COL26A1: variants seen among roughly 807,000 people sequenced by gnomAD.
The protein encoded by COL26A1 is collagen alpha-1(XXVI) chain.
COL26A1 carries 41 observed loss-of-function variants against 59.3 expected under a neutral mutation model. The observed-to-expected ratio is 0.69, with a 90% CI of 0.54 to 0.90. The LOEUF (loss-of-function observed/expected upper bound fraction) is 0.90, where lower values mean the gene tolerates loss of function less well. Among genes scored for constraint, COL26A1 ranks in the 40% least tolerant of loss-of-function variants. The pLI is 0.00. For missense variants in COL26A1, 612 were observed against 602.3 expected, an observed-to-expected ratio of 1.02 and a Z score of -0.17; for synonymous variants, 266 against 256.0, an observed-to-expected ratio of 1.04 and a Z score of -0.37.
At chr7:101,491,509 T>C (rs1203340248) in intron 3 of COL26A1, among the ~76,000 whole-genome samples, 2 of 152,134 alleles carry the variant, frequency 1.3e-5, no homozygotes, top group Non-Finnish European at 2.9e-5. Context: ...AGTACAGGAA[T>C]AAAAGAAGGG....
intron 2 of COL26A1, among the ~76,000 whole-genome samples, chr7:101,438,976 C>T (rs1010802350): frequency 2.6e-5 from 4 of 152,200 alleles, no homozygotes; most frequent in African/African-American, 9.6e-5. Flanking sequence ...CAGCGCCCAG[C>T]CCCCTTTCTT....
At chr7:101,556,930 T>TGG (rs1795989706) in intron 12 of COL26A1, among the ~76,000 whole-genome samples, 3 of 150,928 alleles carry the variant, frequency 2.0e-5, no homozygotes, top group Non-Finnish European at 3.0e-5. Flanking sequence ...GATGGATGGA[T>TGG]AGATGCATAG....
intron 2 of COL26A1, among the ~76,000 whole-genome samples, chr7:101,432,502 G>T (rs1455256684): frequency 1.3e-5 from 2 of 152,078 alleles, no homozygotes; most frequent in East Asian, 3.9e-4. Context: ...GCCATTTATT[G>T]AGATGGGGAC....
intron 3 of COL26A1, among the ~76,000 whole-genome samples, chr7:101,498,060 G>A (rs2130550013): frequency 6.6e-6 from 1 of 152,300 alleles, no homozygotes; most frequent in South Asian, 2.1e-4. Flanking sequence ...CTAACACAGA[G>A]AACAAAAAGC....
intron 1 of COL26A1, among the ~76,000 whole-genome samples, chr7:101,382,101 T>G (rs1791463216): frequency 6.6e-6 from 1 of 152,184 alleles, no homozygotes; most frequent in Non-Finnish European, 1.5e-5. Flanking sequence ...TGGGCTAGAG[T>G]GCAGTTGCAT....
At chr7:101,368,554 A>G (rs1453973162) in intron 1 of COL26A1, among the ~76,000 whole-genome samples, 5 of 152,152 alleles carry the variant, frequency 3.3e-5, no homozygotes, top group Non-Finnish European at 5.9e-5. Flanking sequence ...ACTTTTAACT[A>G]TATGCAAATT....
At chr7:101,489,909 T>TCTTTCTTTCTTG in intron 3 of COL26A1, among the ~76,000 whole-genome samples, 1 of 102,614 alleles carries the variant, frequency 9.7e-6, no homozygotes, top group African/African-American at 4.4e-5. Context: ...TTTCTTTCTT[T>TCTTTCTTTCTTG]CTTTCTTTCT....
chr7:101,458,181 C>T (rs1230477093), intron 3 of COL26A1, among the ~76,000 whole-genome samples: 1 of 152,082 alleles, frequency 6.6e-6, no homozygotes, highest in Non-Finnish European at 1.5e-5. Flanking sequence ...CAGGGTTAGC[C>T]ATGGCACTTG....
At chr7:101,548,144 C>T (rs1251020101) in intron 8 of COL26A1, among the ~76,000 whole-genome samples, 3 of 152,160 alleles carry the variant, frequency 2.0e-5, no homozygotes, top group Non-Finnish European at 4.4e-5. Context: ...AGGTGACATG[C>T]CAGGTCTCTG....
chr7:101,485,722 G>C (rs531242351), intron 3 of COL26A1, among the ~76,000 whole-genome samples: 1 of 152,252 alleles, frequency 6.6e-6, no homozygotes, highest in African/African-American at 2.4e-5. Context: ...GACAGTTCTG[G>C]CAAAAACCTG....
chr7:101,532,778 G>C (rs540335670), intron 3 of COL26A1, among the ~76,000 whole-genome samples: 38 of 152,216 alleles, frequency 2.5e-4, no homozygotes, highest in African/African-American at 8.7e-4. Context: ...AGATTCATGG[G>C]TGAACACAAT....
At chr7:101,555,763 C>A in intron 11 of COL26A1, 24 bp from the exon 12 acceptor site, 6 of 1,591,872 alleles carry the variant, frequency 3.8e-6, no homozygotes, top group East Asian at 2.3e-5. Context: ...CCGGCCCTGA[C>A]CCTGCCTGTT....
chr7:101,428,812 A>G (rs1168931618), intron 2 of COL26A1, among the ~76,000 whole-genome samples: 2 of 152,070 alleles, frequency 1.3e-5, no homozygotes, highest in African/African-American at 4.8e-5. Flanking sequence ...CTGGCCCGCA[A>G]ATAATTTTAT....
chr7:101,543,294 C>G (rs189669321), intron 5 of COL26A1, among the ~76,000 whole-genome samples: 16 of 152,236 alleles, frequency 1.1e-4, no homozygotes, highest in Admixed American at 3.3e-4. Context: ...CTCAACGTCC[C>G]CAGTAGCTGG....
Position 101,545,505 on chromosome 7 carries a change from TG to T in COL26A1, c.856+21del. ...AGACAAAGACAGTGAGTAATGCCCC[TG>T]GGGGGCCAAGGGAGGGCTGAGCTAC... On this transcript the variant is annotated intron_variant, in intron 7 of 12. Coordinates refer to ENST00000313669, the MANE Select transcript of COL26A1 (RefSeq NM_001278563.3). 2.5e-6 allele frequency: 4 copies of T among 1,592,482 alleles called. No individual in the cohort carries two copies. The highest frequency in any genetic ancestry group is 1.8e-5 in the Admixed American group (1 of 54,650).
intron 2 of COL26A1, among the ~76,000 whole-genome samples, chr7:101,433,484 A>T (rs566827326): frequency 6.6e-6 from 1 of 152,238 alleles, no homozygotes; most frequent in East Asian, 1.9e-4. Context: ...AGGTGTTTCC[A>T]GAGGGAGGGT....
At chr7:101,447,887 C>T (rs948323751) in intron 3 of COL26A1, 100 bp downstream of exon 3, 11 of 730,310 alleles carry the variant, frequency 1.5e-5, no homozygotes, top group African/African-American at 3.5e-5. Flanking sequence ...TCCTTTCCTC[C>T]GTAGCTTGAA....
intron 2 of COL26A1, among the ~76,000 whole-genome samples, chr7:101,420,704 C>CCTCGCCAGCCCCTCCCT (rs1792495554): frequency 2.9e-5 from 2 of 69,924 alleles, no homozygotes; most frequent in African/African-American, 1.1e-4. Context: ...CAGCCACACC[C>CCTCGCCAGCCCCTCCCT]CTCACCAGCC....
intron 1 of COL26A1, among the ~76,000 whole-genome samples, chr7:101,394,869 CTTTT>C (rs61005447): frequency 1.0e-5 from 1 of 97,042 alleles, no homozygotes; most frequent in African/African-American, 4.2e-5. Flanking sequence ...TTTTTCTTTT[CTTTT>C]TTTTTTTTTT....
Sources: gnomAD v4.1 joint callset for allele counts (sites outside exome capture counted in the v4.1 genomes callset) on GRCh38, gnomAD v4.1.1 for gene constraint, MANE v1.5 for transcripts, NCBI Gene and HGNC (gene_info 2026-07-23, HGNC 2026-07-21) for gene names.